DOCK3: variants seen among roughly 807,000 people sequenced by gnomAD.
DOCK3 encodes dedicator of cytokinesis protein 3.
A neutral mutation model predicts 265.6 loss-of-function variants in DOCK3; 60 were observed. The ratio of observed to expected loss-of-function variants is 0.23; its 90% CI spans 0.18 to 0.28. The LOEUF (loss-of-function observed/expected upper bound fraction) is 0.28. DOCK3 is among the 10% of genes least tolerant of loss of function. DOCK3 has a pLI of 1.00. For missense variants in DOCK3, 1,981 were observed against 2,594.3 expected, an observed-to-expected ratio of 0.76 and a Z score of 5.14; for synonymous variants, 881 against 938.0, an observed-to-expected ratio of 0.94 and a Z score of 1.11.
rs573658857 is a variant in DOCK3, at chr3:50,864,479, C to T, written c.162+22764C>T. ...ATTTATCTGTTTTTGCTTTTGTTGC[C>T]TGTGATTTTTCAGGGCTTCCCCAAC... On this transcript the variant is annotated intron_variant, in intron 3 of 52. Coordinates refer to ENST00000266037, the MANE Select transcript of DOCK3 (RefSeq NM_004947.5). Among the ~76,000 whole-genome samples, 44 of 152,154 alleles carry T rather than the reference C, an allele frequency of 2.9e-4. No individual in the cohort carries two copies. The South Asian group carries it at 3.3e-3, about 11-fold the overall frequency.
intron 20 of DOCK3, 132 bp from the exon 21 acceptor site, chr3:51,237,358 C>T (rs577651239): frequency 1.4e-6 from 1 of 721,266 alleles, no homozygotes; most frequent in Non-Finnish European, 2.3e-6. Flanking sequence ...CTTACATTCA[C>T]TACCCATGGG....
chr3:51,234,375 A>T (rs1329525619), intron 19 of DOCK3, among the ~76,000 whole-genome samples: 2 of 152,030 alleles, frequency 1.3e-5, no homozygotes, highest in Non-Finnish European at 2.9e-5. Context: ...AGTTCCTTAT[A>T]CATTTTGGAT....
chr3:51,159,321 C>T lies in DOCK3; in HGVS notation c.889+17C>T, dbSNP rs751687826. On this transcript the variant is annotated intron_variant, in intron 11 of 52. Coordinates refer to ENST00000266037, the MANE Select transcript of DOCK3 (RefSeq NM_004947.5). ...TCCGAATAGGTACTGTTCACCTTAC[C>T]CATTCACATGACTAAGAATGGCCCA... 2 of 1,608,576 alleles carry T rather than the reference C, an allele frequency of 1.2e-6. No individual in the cohort carries two copies. Among genetic ancestry groups the T allele is most frequent in the East Asian group, 2.2e-5 (1 of 44,814 alleles).
chr3:50,889,990 TA>T, intron 3 of DOCK3, 35 bp from the exon 4 acceptor site: 1 of 1,376,702 alleles, frequency 7.3e-7, no homozygotes, highest in Non-Finnish European at 9.4e-7. Context: ...ATCACAATTT[TA>T]TTTTTTCTAA....
chr3:51,086,477 A>G (rs1300468267), intron 7 of DOCK3, among the ~76,000 whole-genome samples: 3 of 152,040 alleles, frequency 2.0e-5, no homozygotes, highest in Admixed American at 6.6e-5. Flanking sequence ...GAAACAAAAA[A>G]GGATACATTG....
intron 3 of DOCK3, 57 bp from the exon 4 acceptor site, chr3:50,889,969 A>G: frequency 7.7e-7 from 1 of 1,301,954 alleles, no homozygotes; most frequent in Non-Finnish European, 9.9e-7. Flanking sequence ...TTTTGTATAT[A>G]TGAAATGTTA....
intron 12 of DOCK3, among the ~76,000 whole-genome samples, chr3:51,162,862 A>G (rs1249156672): frequency 6.6e-6 from 1 of 152,226 alleles, no homozygotes; most frequent in Non-Finnish European, 1.5e-5. Context: ...TGAAAAAAAT[A>G]TGTTTATAGA....
At chr3:50,893,024 ACT>A (rs1344655659) in intron 4 of DOCK3, among the ~76,000 whole-genome samples, 1 of 151,972 alleles carries the variant, frequency 6.6e-6, no homozygotes, top group African/African-American at 2.4e-5. Context: ...GAACCCTGAG[ACT>A]CTCAGGCTGG....
intron 4 of DOCK3, among the ~76,000 whole-genome samples, chr3:50,910,084 C>T (rs1258930920): frequency 6.6e-6 from 1 of 151,972 alleles, no homozygotes; most frequent in Non-Finnish European, 1.5e-5. Flanking sequence ...AGTTATGCTC[C>T]TTTCTAAAAT....
At chr3:51,078,996 A>G (rs1376427198) in intron 7 of DOCK3, among the ~76,000 whole-genome samples, 1 of 152,182 alleles carries the variant, frequency 6.6e-6, no homozygotes, top group African/African-American at 2.4e-5. Flanking sequence ...TTTATTAAAA[A>G]CCACTTAGGA....
chr3:50,959,741 G>A (rs1487460023), intron 5 of DOCK3, among the ~76,000 whole-genome samples: 9 of 151,638 alleles, frequency 5.9e-5, no homozygotes, highest in Admixed American at 2.6e-4. Flanking sequence ...CACCACGCCC[G>A]GCTAATTTTT....
intron 33 of DOCK3, among the ~76,000 whole-genome samples, chr3:51,332,201 A>G (rs2084568252): frequency 1.3e-5 from 2 of 152,198 alleles, no homozygotes; most frequent in Admixed American, 1.3e-4. Context: ...ATAGTGTGGA[A>G]AGGAATCAGG....
At chr3:50,677,785 A>C (rs1309299695) in intron 1 of DOCK3, among the ~76,000 whole-genome samples, 1 of 152,210 alleles carries the variant, frequency 6.6e-6, no homozygotes. Flanking sequence ...CTGTAGTAAT[A>C]CTTATTAAAT....
At chr3:50,820,968 T>C (rs1448260818) in intron 2 of DOCK3, among the ~76,000 whole-genome samples, 2 of 151,962 alleles carry the variant, frequency 1.3e-5, no homozygotes, top group Non-Finnish European at 1.5e-5. Context: ...TGTCTGTTCA[T>C]GTCCTTTGGC....
intron 14 of DOCK3, among the ~76,000 whole-genome samples, chr3:51,216,463 C>A (rs2089794244): frequency 6.6e-6 from 1 of 152,168 alleles, no homozygotes; most frequent in Admixed American, 6.5e-5. Flanking sequence ...AGATACTGGG[C>A]AGTCCTGGCA....
intron 4 of DOCK3, among the ~76,000 whole-genome samples, chr3:50,899,544 G>A (rs147020800): frequency 6.9e-4 from 105 of 152,212 alleles, no homozygotes; most frequent in African/African-American, 2.4e-3. Flanking sequence ...TATTTTGCCC[G>A]TTACTTGATG....
intron 9 of DOCK3, among the ~76,000 whole-genome samples, chr3:51,108,523 A>T (rs1236002303): frequency 2.0e-5 from 3 of 152,186 alleles, no homozygotes; most frequent in African/African-American, 7.2e-5. Context: ...CACAGGATAA[A>T]ATTTACACAT....
chr3:51,126,141 T>C (rs1316019466), intron 9 of DOCK3, among the ~76,000 whole-genome samples: 1 of 152,226 alleles, frequency 6.6e-6, no homozygotes, highest in Non-Finnish European at 1.5e-5. Flanking sequence ...TTTGTACACT[T>C]GATGAAGTAA....
At chr3:51,037,319 AC>A (rs1472043232) in intron 5 of DOCK3, among the ~76,000 whole-genome samples, 3 of 151,862 alleles carry the variant, frequency 2.0e-5, no homozygotes, top group Non-Finnish European at 4.4e-5. Context: ...TTAATTCCAT[AC>A]GTTTTTGGGG....
Sources: allele counts gnomAD v4.1 joint callset (sites outside exome capture counted in the v4.1 genomes callset), GRCh38; gene constraint gnomAD v4.1.1; transcripts MANE v1.5; gene names NCBI Gene and HGNC (gene_info 2026-07-23, HGNC 2026-07-21).